The following MRE11 variants were observed in gnomAD, a reference collection of about 807,000 sequenced individuals.
The protein encoded by MRE11 is double-strand break repair protein MRE11.
A neutral mutation model predicts 91.7 loss-of-function variants in MRE11; 62 were observed. That is an observed-to-expected ratio of 0.68 (90% CI 0.55 to 0.84). MRE11 has a LOEUF of 0.84. MRE11 is among the 40% of genes least tolerant of loss of function. The pLI, the probability that MRE11 is intolerant of heterozygous loss-of-function variation, is 0.00. For synonymous variants in MRE11, 273 were observed against 271.4 expected (o/e 1.01, Z -0.06); for missense variants, 796 against 852.9 (o/e 0.93, Z 0.83).
At chr11:94,455,730 T>C (rs1365274772) in intron 14 of MRE11, among the ~76,000 whole-genome samples, 1 of 152,206 alleles carries the variant, frequency 6.6e-6, no homozygotes, top group African/African-American at 2.4e-5. Flanking sequence ...TTAACATTGC[T>C]AACCAAAACA....
chr11:94,444,963 T>C (rs1370320231), intron 16 of MRE11, among the ~76,000 whole-genome samples: 2 of 152,196 alleles, frequency 1.3e-5, no homozygotes, highest in African/African-American at 4.8e-5. Flanking sequence ...TGCATACTTT[T>C]TGTAAATATG....
chr11:94,435,806 C>A lies in MRE11; in HGVS notation c.1994+26G>T, dbSNP rs144976924. 1.6e-4 allele frequency: 250 copies of A among 1,595,944 alleles called. 2 individuals are homozygous for A. The African/African-American group carries it at 2.7e-3, about 17-fold the overall frequency. On this transcript the variant is annotated intron_variant, in intron 18 of 19. Coordinates refer to ENST00000323929, the MANE Select transcript of MRE11 (RefSeq NM_005591.4). The stretch of plus-strand genomic sequence containing the variant: ...AATTTTTAATTTTTTTCAGATGTTT[C>A]TTTTGCAGAAAATCACTGCACCTAC...
chr11:94,420,699 T>C (rs1476412721), intron 19 of MRE11, among the ~76,000 whole-genome samples: 1 of 152,174 alleles, frequency 6.6e-6, no homozygotes, highest in Non-Finnish European at 1.5e-5. Flanking sequence ...TTTCAAATAG[T>C]TTTTTGGATA....
At chr11:94,427,710 G>C (rs919469604) in intron 19 of MRE11, among the ~76,000 whole-genome samples, 1 of 151,216 alleles carries the variant, frequency 6.6e-6, no homozygotes, top group African/African-American at 2.4e-5. Context: ...AAAAAAAAAA[G>C]TGTACAAAAG....
At chr11:94,453,199 C>T (rs539548902) in intron 14 of MRE11, among the ~76,000 whole-genome samples, 12 of 152,086 alleles carry the variant, frequency 7.9e-5, no homozygotes, top group Non-Finnish European at 1.6e-4. Flanking sequence ...ATTACATGCA[C>T]ATACCACATT....
At chr11:94,462,216 T>G (rs534505547) in intron 11 of MRE11, among the ~76,000 whole-genome samples, 9 of 152,162 alleles carry the variant, frequency 5.9e-5, no homozygotes, top group Non-Finnish European at 1.2e-4. Context: ...GGAATCCAAT[T>G]TACAAGGATA....
chr11:94,463,172 A>G (rs1946466548), intron 11 of MRE11, among the ~76,000 whole-genome samples: 1 of 152,260 alleles, frequency 6.6e-6, no homozygotes, highest in Non-Finnish European at 1.5e-5. Context: ...CAACAGACAC[A>G]TGAAAAAATG....
rs2134886458 is a variant in MRE11 at position 94,444,404 on chromosome 11, CTGTTTTCTTT to C, written c.1867+1396_1867+1405del. Among the ~76,000 whole-genome samples the C allele has an allele frequency of 3.4e-5, 4 of 118,288 alleles. No homozygotes were observed. The East Asian group carries it at 7.6e-4, about 22-fold the overall frequency. 77.6% of individuals were successfully genotyped at this position (118,288 alleles called of 152,430 possible). On this transcript the variant is annotated intron_variant, in intron 16 of 19. Transcript: ENST00000323929. ...TTATTGTTTTTGTTCTGTTTTCGTT[CTGTTTTCTTT>C]TGTTTTAGGCTTTTAGCAGCTGAAG...
chr11:94,502,541 G>T, the MRE11 span, among the ~76,000 whole-genome samples: 1 of 152,110 alleles, frequency 6.6e-6, no homozygotes, highest in African/African-American at 2.4e-5. Context: ...AACTGCATTT[G>T]CTTTTAAAGC....
intron 13 of MRE11, among the ~76,000 whole-genome samples, chr11:94,457,860 CTT>C (rs1946294407): frequency 7.5e-6 from 1 of 133,102 alleles, no homozygotes; most frequent in Non-Finnish European, 1.6e-5. Flanking sequence ...CACTCTTTCT[CTT>C]TCTCTCTCTC....
chr11:94,495,059 G>C (rs1188072413), upstream of MRE11, among the ~76,000 whole-genome samples: 1 of 152,104 alleles, frequency 6.6e-6, no homozygotes, highest in Non-Finnish European at 1.5e-5. Flanking sequence ...TTGGCCTTAG[G>C]AATACTTTAG....
At chr11:94,498,290 T>C, upstream of MRE11, 2 of 1,614,166 alleles carry the variant, frequency 1.2e-6, no homozygotes, top group African/African-American at 1.3e-5. Context: ...GGCTTCTTTC[T>C]TACTGCAGCA....
At chr11:94,454,248 A>G (rs1946191491) in intron 14 of MRE11, among the ~76,000 whole-genome samples, 2 of 151,428 alleles carry the variant, frequency 1.3e-5, no homozygotes, top group African/African-American at 4.9e-5. Context: ...TAATTTTTGT[A>G]TTTTTTGTAG....
chr11:94,483,210 C>T (rs1947056231), intron 4 of MRE11, among the ~76,000 whole-genome samples: 1 of 152,132 alleles, frequency 6.6e-6, no homozygotes, highest in African/African-American at 2.4e-5. Context: ...TGGTGGCTCA[C>T]AAGTGTAATC....
chr11:94,501,756 G>C, the MRE11 span, among the ~76,000 whole-genome samples: 5 of 143,010 alleles, frequency 3.5e-5, no homozygotes, highest in East Asian at 1.1e-3. Context: ...GGGTCACTTT[G>C]GGCAAAAAAA....
In MRE11 at chr11:94,475,417, C is replaced by A. The variant is rs114584241; in HGVS notation, c.659+872G>T. 1,109 of 340,826 alleles carry A rather than the reference C, an allele frequency of 3.3e-3. 6 individuals carry two copies. Among genetic ancestry groups the A allele is most frequent in the African/African-American group, 0.02 (926 of 46,726 alleles). 21.1% of individuals were successfully genotyped at this position (340,826 alleles called of 1,614,324 possible). On this transcript the variant is annotated intron_variant, in intron 7 of 19. Coordinates refer to ENST00000323929, the MANE Select transcript of MRE11 (RefSeq NM_005591.4). ...ATTTTAGGTCCTGGACCGAACACCC[C>A]CCGTGGATACCAAGGGACAACTGTA...
At chr11:94,445,465 A>G (rs1945899447) in intron 16 of MRE11, among the ~76,000 whole-genome samples, 2 of 152,052 alleles carry the variant, frequency 1.3e-5, no homozygotes, top group African/African-American at 4.8e-5. Context: ...ATGTGCCACC[A>G]CGCCTGGCTG....
rs116678978 is a variant in MRE11, at chr11:94,456,907, T to C, written c.1501-569A>G. ...GGCTCTTATTATACAGCTATGTATA[T>C]GTTCTTTAAGCCCATTTATTTAATA... On this transcript the variant is annotated intron_variant, in intron 13 of 19. Transcript: ENST00000323929. 5.8e-3 allele frequency among the ~76,000 whole-genome samples: 877 copies of C among 152,334 alleles called. 5 individuals are homozygous for C. The highest frequency in any genetic ancestry group is 0.019 in the African/African-American group (795 of 41,568).
the MRE11 span, among the ~76,000 whole-genome samples, chr11:94,510,368 T>C: frequency 6.6e-6 from 1 of 152,228 alleles, no homozygotes; most frequent in African/African-American, 2.4e-5. Flanking sequence ...GAAACTAATC[T>C]TAAAGAAGTT....
Sources: allele counts gnomAD v4.1 joint callset (sites outside exome capture counted in the v4.1 genomes callset), GRCh38; gene constraint gnomAD v4.1.1; transcripts MANE v1.5; gene names NCBI Gene and HGNC (gene_info 2026-07-23, HGNC 2026-07-21).